DOP1B: variants seen among roughly 807,000 people sequenced by gnomAD.
DOP1B encodes the protein protein DOP1B.
Under a neutral mutation model 233.5 loss-of-function variants are expected in DOP1B, and 174 were observed. That is an observed-to-expected ratio of 0.75 (90% CI 0.66 to 0.85). DOP1B has a LOEUF of 0.85. Among genes scored for constraint, DOP1B ranks in the 40% least tolerant of loss-of-function variants. The pLI is 0.00. For synonymous variants in DOP1B, 1,190 were observed against 1,185.6 expected (o/e 1.00, Z -0.08); for missense variants, 2,652 against 2,846.6 (o/e 0.93, Z 1.56).
rs137866990 is a variant in DOP1B at position 36,167,093 on chromosome 21, G to A, written c.138+2222G>A. On this transcript the variant is annotated intron_variant, in intron 2 of 36. Coordinates refer to ENST00000691173, the MANE Select transcript of DOP1B (RefSeq NM_001320714.2). ...GGGGAAAGGGAGAAGCAGTAGAACC[G>A]CATTGAGTCCCACATTCTTCTGGAT... Among the ~76,000 whole-genome samples the A allele has an allele frequency of 3.2e-4, 48 of 152,280 alleles. No homozygotes were observed. In the East Asian group the frequency reaches 8.9e-3, roughly 28 times the overall value.
chr21:36,262,123 G>T (rs1251142647), intron 24 of DOP1B, among the ~76,000 whole-genome samples: 1 of 152,212 alleles, frequency 6.6e-6, no homozygotes, highest in East Asian at 1.9e-4. Flanking sequence ...TAGATGACCA[G>T]GGTGGGGTTA....
intron 2 of DOP1B, among the ~76,000 whole-genome samples, chr21:36,186,339 G>A (rs2066165473): frequency 6.6e-6 from 1 of 152,174 alleles, no homozygotes; most frequent in Non-Finnish European, 1.5e-5. Flanking sequence ...TGTGGGATGT[G>A]TGTATGCATG....
intron 20 of DOP1B, 93 bp from the exon 21 acceptor site, chr21:36,248,287 C>T: frequency 7.3e-7 from 1 of 1,372,290 alleles, no homozygotes; most frequent in Non-Finnish European, 1.0e-6. Context: ...AGTCCAACAG[C>T]CCAGACCTAA....
In DOP1B at chr21:36,293,718, C is replaced by T. The variant is rs1006526287; in HGVS notation, c.*147C>T. 3.3e-6 allele frequency: 3 copies of T among 898,280 alleles called. No individual in the cohort carries two copies. The highest frequency in any genetic ancestry group is 5.0e-6 in the Non-Finnish European group (3 of 595,108). 55.6% of individuals were successfully genotyped at this position (898,280 alleles called of 1,614,324 possible). A position where few individuals can be genotyped will look rare whatever the true frequency, so the allele number is the denominator to read the frequency against. ...AGATTTCAGGCTAGGTGCGGTGGCTCACACCTGTAATCTCAGCACTTTGGG... is the reference window on the plus strand; with the variant it reads ...AGATTTCAGGCTAGGTGCGGTGGCTTACACCTGTAATCTCAGCACTTTGGG... On this transcript the variant is annotated 3_prime_UTR_variant, in exon 37 of 37. Transcript: ENST00000691173.
chr21:36,207,499 GTTTTTTTTT>G (rs1164791099), intron 4 of DOP1B, among the ~76,000 whole-genome samples: 4 of 89,622 alleles, frequency 4.5e-5, no homozygotes, highest in Admixed American at 1.2e-4. Flanking sequence ...AGTTTTTTTT[GTTTTTTTTT>G]TTTTTTTTTT....
At chr21:36,168,604 G>C (rs867676402) in intron 2 of DOP1B, among the ~76,000 whole-genome samples, 3 of 151,604 alleles carry the variant, frequency 2.0e-5, no homozygotes, top group Admixed American at 2.0e-4. Context: ...CTTGGCTCCT[G>C]CAACCTCCAC....
At position 36,237,352 on chromosome 21, in the gene DOP1B, C is replaced by A; in HGVS notation, c.2713C>A (p.Leu905Met). Residue 905 changes from leucine (L) to methionine (M), a missense_variant, in exon 16 of 37, where the codon CTG (leucine) becomes ATG (methionine). This residue lies in a region of DOP1B where 2,617 missense variants were observed against 2,794.3 expected (regional missense o/e 0.94). Coordinates refer to ENST00000691173, the MANE Select transcript of DOP1B (RefSeq NM_001320714.2). ...AGAATTGTTCTACCGGCTGCACTGC[C>A]TGGCCCCTACGGCCAACATCTGCGA... Reference protein sequence around the residue: ...CVELFYRLHCLAPTANICEDI... With the variant: ...CVELFYRLHCMAPTANICEDI... 1 of 1,614,224 alleles carries A rather than the reference C, an allele frequency of 6.2e-7. No homozygotes were observed.
intron 2 of DOP1B, among the ~76,000 whole-genome samples, chr21:36,191,765 A>G (rs1354845382): frequency 6.6e-6 from 1 of 150,592 alleles, no homozygotes; most frequent in Non-Finnish European, 1.5e-5. Context: ...CAGCCTGGCA[A>G]CAGAGTAAGA....
intron 9 of DOP1B, among the ~76,000 whole-genome samples, chr21:36,215,347 G>A (rs144764845): frequency 2.6e-5 from 4 of 152,212 alleles, no homozygotes; most frequent in East Asian, 1.9e-4. Context: ...GGTCCTATGA[G>A]CATAGGTTGA....
At position 36,212,109 on chromosome 21, in the gene DOP1B, T is replaced by C. The variant is rs1331622255; in HGVS notation, c.904+12T>C. ...TGCATGGTTACTAGGTACTGAGCAG[T>C]ATACACCCTTTTAAAGTCAAAGTTA... On this transcript the variant is annotated intron_variant, in intron 7 of 36. Transcript: ENST00000691173. The C allele has an allele frequency of 1.9e-6, 3 of 1,553,356 alleles. No homozygotes were observed. Among genetic ancestry groups the C allele is most frequent in the South Asian group, 1.2e-5 (1 of 83,788 alleles).
rs149085579 is a variant in DOP1B at position 36,242,866 on chromosome 21, A to T, written c.3068-2182A>T. ...AATTTCTGATGTCTGATTCTTCTTC[A>T]TTTCTTGATCTTGCTTAATGTCCAT... On this transcript the variant is annotated intron_variant, in intron 18 of 36. Coordinates refer to ENST00000691173, the MANE Select transcript of DOP1B (RefSeq NM_001320714.2). Among the ~76,000 whole-genome samples, 21 of 151,792 alleles carry T rather than the reference A, an allele frequency of 1.4e-4. No individual in the cohort carries two copies. The East Asian group carries it at 4.1e-3, about 29-fold the overall frequency.
In DOP1B at chr21:36,201,830, T is replaced by TTG. The variant is rs141533181; in HGVS notation, c.491+1348_491+1349dup. ...CATATGCACAAAAGTTCATGTAGCTTTGTGTGTGTGTGTGTGTGTGGTCAC... is the reference window on the plus strand; with the variant it reads ...CATATGCACAAAAGTTCATGTAGCTTTGTGTGTGTGTGTGTGTGTGTGGTCAC... On this transcript the variant is annotated intron_variant, in intron 4 of 36. Transcript: ENST00000691173. Among the ~76,000 whole-genome samples, 1,020 of 150,094 alleles carry TTG rather than the reference T, an allele frequency of 6.8e-3. 13 individuals carry two copies. The highest frequency in any genetic ancestry group is 0.02 in the African/African-American group (823 of 40,992).
Position 36,156,828 on chromosome 21 carries a change from TC to T in DOP1B, c.-140del, listed in dbSNP as rs1181688754. The T allele has an allele frequency of 6.6e-6, 1 of 152,586 alleles. No homozygotes were observed. The highest frequency in any genetic ancestry group is 1.9e-4 in the East Asian group (1 of 5,192). The allele number at this position is 152,586 out of a possible 1,614,324, so 9.5% of individuals were successfully genotyped here. On this transcript the variant is annotated 5_prime_UTR_variant, in exon 1 of 37. Transcript: ENST00000691173. ...CCGCTGCCGCTGGTTCTCCGGCTCT[TC>T]CTCGGCGGTTCTGGCTCCCGGCCGC...
At chr21:36,188,064 T>A (rs1029176962) in intron 2 of DOP1B, among the ~76,000 whole-genome samples, 21 of 152,342 alleles carry the variant, frequency 1.4e-4, no homozygotes, top group African/African-American at 4.1e-4. Context: ...AAGATGGAGT[T>A]AGCCTGAGTG....
chr21:36,170,769 G>T (rs987131629), intron 2 of DOP1B, among the ~76,000 whole-genome samples: 2 of 151,070 alleles, frequency 1.3e-5, no homozygotes, highest in African/African-American at 4.9e-5. Context: ...GCTGCAGCAC[G>T]TAGTGCTGAG....
At chr21:36,220,416 A>G (rs1021246789) in intron 10 of DOP1B, among the ~76,000 whole-genome samples, 2 of 152,256 alleles carry the variant, frequency 1.3e-5, no homozygotes, top group Admixed American at 1.3e-4. Context: ...GATTTCTACT[A>G]CATACATAAA....
At chr21:36,255,535 C>G (rs1022761045) in intron 23 of DOP1B, among the ~76,000 whole-genome samples, 2 of 151,976 alleles carry the variant, frequency 1.3e-5, no homozygotes, top group African/African-American at 4.8e-5. Flanking sequence ...GCCTCGACCT[C>G]CCCAGGCTCA....
At chr21:36,228,322 G>A (rs956366371) in intron 13 of DOP1B, among the ~76,000 whole-genome samples, 3 of 152,038 alleles carry the variant, frequency 2.0e-5, no homozygotes, top group Non-Finnish European at 4.4e-5. Flanking sequence ...AATTAGCCAG[G>A]CATGGTGGCA....
chr21:36,202,205 A>T (rs1052826029), intron 4 of DOP1B, among the ~76,000 whole-genome samples: 4 of 152,126 alleles, frequency 2.6e-5, no homozygotes, highest in Non-Finnish European at 4.4e-5. Context: ...ACAAACAAAC[A>T]AACAAAAACC....
Sources: allele counts gnomAD v4.1 joint callset (sites outside exome capture counted in the v4.1 genomes callset), GRCh38; gene constraint gnomAD v4.1.1; regional missense constraint gnomAD v4.1.1; transcripts MANE v1.5; gene names NCBI Gene and HGNC (gene_info 2026-07-23, HGNC 2026-07-21).